The following PLCXD3 variants were observed in gnomAD, a reference collection of about 807,000 sequenced individuals.
The protein encoded by PLCXD3 is PI-PLC X domain-containing protein 3.
A neutral mutation model predicts 25.5 loss-of-function variants in PLCXD3; 19 were observed. That is an observed-to-expected ratio of 0.75 (90% CI 0.52 to 1.09). The LOEUF (loss-of-function observed/expected upper bound fraction) is 1.09. PLCXD3 is among the 50% of genes least tolerant of loss of function. The pLI is 0.00. For missense variants in PLCXD3, 411 were observed against 388.1 expected (o/e 1.06, Z -0.50); for synonymous variants, 174 against 137.6 (o/e 1.26, Z -1.85).
intron 1 of PLCXD3, chr5:41,475,784 G>T (rs932227399): frequency 1.1e-5 from 6 of 526,498 alleles, no homozygotes; most frequent in Non-Finnish European, 2.3e-5. Context: ...AGTTACTGCT[G>T]TTACTACTTG....
At chr5:41,461,875 T>G (rs1486195138) in intron 1 of PLCXD3, among the ~76,000 whole-genome samples, 2 of 152,110 alleles carry the variant, frequency 1.3e-5, no homozygotes, top group Non-Finnish European at 2.9e-5. Context: ...TTTAGTCCTA[T>G]ATTCCTATGT....
intron 2 of PLCXD3, among the ~76,000 whole-genome samples, chr5:41,364,644 C>A (rs190146294): frequency 3.3e-4 from 51 of 152,270 alleles, no homozygotes; most frequent in Admixed American, 1.5e-3. Context: ...GGACTTCCTG[C>A]ACTATCATTT....
chr5:41,329,267 T>C (rs1351224341), intron 2 of PLCXD3, among the ~76,000 whole-genome samples: 4 of 152,216 alleles, frequency 2.6e-5, no homozygotes, highest in Admixed American at 2.6e-4. Context: ...TAAATGTCAC[T>C]TCTTCGAAAC....
At chr5:41,342,404 C>A (rs1306862252) in intron 2 of PLCXD3, among the ~76,000 whole-genome samples, 1 of 152,088 alleles carries the variant, frequency 6.6e-6, no homozygotes, top group Non-Finnish European at 1.5e-5. Flanking sequence ...GTACTGATTT[C>A]ACCATCTGTC....
At chr5:41,423,793 T>C (rs1746884651) in intron 1 of PLCXD3, among the ~76,000 whole-genome samples, 1 of 152,060 alleles carries the variant, frequency 6.6e-6, no homozygotes, top group Non-Finnish European at 1.5e-5. Flanking sequence ...TTCTCCTTTA[T>C]TGAGTTTTGA....
intron 1 of PLCXD3, among the ~76,000 whole-genome samples, chr5:41,383,149 G>A (rs1243974611): frequency 6.6e-6 from 1 of 152,004 alleles, no homozygotes; most frequent in Non-Finnish European, 1.5e-5. Context: ...CTTAGATGAG[G>A]TCAAGTACTT....
Position 41,310,542 on chromosome 5 carries a change from A to G in PLCXD3, c.*3075T>C, listed in dbSNP as rs1015578672. On this transcript the variant is annotated 3_prime_UTR_variant, in exon 3 of 3. Transcript: ENST00000377801. ...CAAGCTCTCTGAAAAGACAATGCCC[A>G]GCTGAGACAAATGTGCATAGGCTAA... 1.3e-5 allele frequency: 2 copies of G among 152,550 alleles called. No individual in the cohort carries two copies. The highest frequency in any genetic ancestry group is 4.8e-5 in the African/African-American group (2 of 41,438). The allele number at this position is 152,550 out of a possible 1,614,324, so 9.4% of individuals were successfully genotyped here.
intron 1 of PLCXD3, among the ~76,000 whole-genome samples, chr5:41,494,681 G>A (rs1748796956): frequency 6.6e-6 from 1 of 152,110 alleles, no homozygotes; most frequent in Admixed American, 6.5e-5. Context: ...GAAGGTAGTG[G>A]GATATATGAG....
intron 1 of PLCXD3, among the ~76,000 whole-genome samples, chr5:41,450,738 A>T (rs1747609952): frequency 6.6e-6 from 1 of 152,090 alleles, no homozygotes; most frequent in African/African-American, 2.4e-5. Context: ...GGGCTGCCTC[A>T]GATACCACCT....
At chr5:41,389,565 T>C (rs79543021) in intron 1 of PLCXD3, among the ~76,000 whole-genome samples, 2,467 of 152,222 alleles carry the variant, frequency 0.016, 69 homozygotes, top group African/African-American at 0.057. Context: ...AGCTAAAGGC[T>C]CCCGTGTACT....
chr5:41,349,289 G>A (rs1021147336), intron 2 of PLCXD3, among the ~76,000 whole-genome samples: 2 of 152,108 alleles, frequency 1.3e-5, no homozygotes, highest in Non-Finnish European at 2.9e-5. Flanking sequence ...CATGGCTTTA[G>A]GATCAAAGAA....
At chr5:41,418,472 A>G (rs1746743050) in intron 1 of PLCXD3, among the ~76,000 whole-genome samples, 1 of 150,948 alleles carries the variant, frequency 6.6e-6, no homozygotes, top group Non-Finnish European at 1.5e-5. Context: ...AAACAGCTGT[A>G]AGGTCTTTTA....
At chr5:41,331,048 C>A (rs1453883431) in intron 2 of PLCXD3, among the ~76,000 whole-genome samples, 1 of 151,844 alleles carries the variant, frequency 6.6e-6, no homozygotes, top group Non-Finnish European at 1.5e-5. Flanking sequence ...GACAGGGATG[C>A]CCTCTCTCAC....
chr5:41,374,833 G>T (rs1297485538), intron 2 of PLCXD3, among the ~76,000 whole-genome samples: 1 of 152,106 alleles, frequency 6.6e-6, no homozygotes, highest in Non-Finnish European at 1.5e-5. Flanking sequence ...TTGGGACATG[G>T]CCTAGGGTGG....
intron 2 of PLCXD3, among the ~76,000 whole-genome samples, chr5:41,352,743 A>C (rs1012155550): frequency 1.3e-5 from 2 of 152,212 alleles, no homozygotes; most frequent in African/African-American, 4.8e-5. Context: ...TTGTTCAGGG[A>C]GACAAATGGT....
chr5:41,476,226 C>T (rs763797762), intron 1 of PLCXD3, among the ~76,000 whole-genome samples: 3 of 152,108 alleles, frequency 2.0e-5, no homozygotes, highest in Admixed American at 1.3e-4. Flanking sequence ...GGAGAGTGGG[C>T]AGAAAAAAGT....
intron 2 of PLCXD3, among the ~76,000 whole-genome samples, chr5:41,375,033 T>C (rs2150490212): frequency 6.6e-6 from 1 of 152,170 alleles, no homozygotes; most frequent in South Asian, 2.1e-4. Flanking sequence ...GACCCATCCC[T>C]TCCGGGTACA....
chr5:41,484,269 A>ACACC lies in PLCXD3; in HGVS notation c.103+26154_103+26155insGGTG, dbSNP rs569581123. Among the ~76,000 whole-genome samples, 409 of 146,166 alleles carry ACACC rather than the reference A, an allele frequency of 2.8e-3. 24 individuals carry two copies. The highest frequency in any genetic ancestry group is 0.01 in the Middle Eastern group (3 of 288). On this transcript the variant is annotated intron_variant, in intron 1 of 2. Transcript: ENST00000377801. ...TGCACACACACACACACACACACAC[A>ACACC]CACTAACTGTATTCTAAAATATTTT...
intron 1 of PLCXD3, among the ~76,000 whole-genome samples, chr5:41,406,495 CT>C (rs1235693582): frequency 6.6e-6 from 1 of 152,044 alleles, no homozygotes; most frequent in Admixed American, 6.6e-5. Flanking sequence ...TCTCATCATC[CT>C]TCTATCTCAT....
Sources: allele counts gnomAD v4.1 joint callset (sites outside exome capture counted in the v4.1 genomes callset), GRCh38; gene constraint gnomAD v4.1.1; transcripts MANE v1.5; gene names NCBI Gene and HGNC (gene_info 2026-07-23, HGNC 2026-07-21).